LOXHD1: variants seen among roughly 807,000 people sequenced by gnomAD.
LOXHD1 encodes the protein lipoxygenase homology PLAT domains 1.
LOXHD1 carries 205 observed loss-of-function variants against 248.2 expected under a neutral mutation model. That is an observed-to-expected ratio of 0.83 (90% CI 0.74 to 0.93). The LOEUF (loss-of-function observed/expected upper bound fraction) is 0.93. LOXHD1 is among the 40% of genes least tolerant of loss of function. The pLI is 0.00. For synonymous variants in LOXHD1, 1,113 were observed against 1,162.8 expected, an observed-to-expected ratio of 0.96 and a Z score of 0.87; for missense variants, 2,930 against 2,971.6, an observed-to-expected ratio of 0.99 and a Z score of 0.33.
chr18:46,500,507 A>G (rs1013947145), intron 37 of LOXHD1, among the ~76,000 whole-genome samples: 17 of 152,154 alleles, frequency 1.1e-4, no homozygotes, highest in African/African-American at 2.7e-4. Flanking sequence ...TCGTGCTGCA[A>G]GACATTCTCC....
chr18:46,491,704 C>T lies in LOXHD1; in HGVS notation c.5879-2562G>A, dbSNP rs146936744. Among the ~76,000 whole-genome samples the T allele has an allele frequency of 2.3e-3, 343 of 152,324 alleles. 1 individual carries two copies. The highest frequency in any genetic ancestry group is 8.0e-3 in the African/African-American group (331 of 41,560). ...TCTACCCTACACAGTTTTCACTACA[C>T]AATTACACTTTCCGGGCTCCAGCCA... On this transcript the variant is annotated intron_variant, in intron 37 of 40. Transcript: ENST00000642948.
rs183848033 is a variant in LOXHD1 at position 46,563,109 on chromosome 18, T to C, written c.2554A>G (p.Ser852Gly). Residue 852 changes from serine to glycine, a missense_variant, in exon 18 of 41, where the codon AGC becomes GGC. Physicochemically the swap from Ser to Gly is moderately conservative, Grantham distance 56. Coordinates refer to ENST00000642948, the MANE Select transcript of LOXHD1 (RefSeq NM_001384474.1). ...GCCCGTTCAAAAACTTTTGAGCGGC[T>C]GGAGAGGAAGAGCACTTCTGTCTTG... Reference protein sequence around the residue: ...KGKTEVLFLSSRSKVFERASK... With the variant: ...KGKTEVLFLSGRSKVFERASK... The C allele has an allele frequency of 1.8e-5, 28 of 1,546,496 alleles. No homozygotes were observed. The East Asian group carries it at 6.4e-4, about 35-fold the overall frequency.
At chr18:46,524,626 G>GT (rs2035738165) in intron 30 of LOXHD1, 25 bp from the exon 31 acceptor site, 1 of 1,551,452 alleles carries the variant, frequency 6.4e-7, no homozygotes, top group Non-Finnish European at 8.7e-7. Flanking sequence ...AGGACTGGCA[G>GT]TTGCAGCTCC....
Position 46,618,301 on chromosome 18 carries a change from G to A in LOXHD1, c.512-11C>T. The A allele has an allele frequency of 5.8e-6, 9 of 1,538,986 alleles. No homozygotes were observed. The highest frequency in any genetic ancestry group is 7.9e-6 in the Non-Finnish European group (9 of 1,136,150). On this transcript the variant is annotated splice_polypyrimidine_tract_variant and intron_variant, in intron 4 of 40. Coordinates refer to ENST00000642948, the MANE Select transcript of LOXHD1 (RefSeq NM_001384474.1). ...CTTCATACTTATTACCTAGGAACAA[G>A]GAGAGAGAAAAACCTTAGCTCATCA...
At chr18:46,488,194 G>A (rs1259785892) in intron 38 of LOXHD1, among the ~76,000 whole-genome samples, 1 of 152,164 alleles carries the variant, frequency 6.6e-6, no homozygotes, top group African/African-American at 2.4e-5. Context: ...CAGAGAGGAA[G>A]ACATTGGCCC....
intron 10 of LOXHD1, 145 bp from the exon 11 acceptor site, chr18:46,592,729 C>G: frequency 1.5e-6 from 1 of 673,156 alleles, no homozygotes; most frequent in Non-Finnish European, 2.6e-6. Context: ...GCCACCCTCA[C>G]ATATTTTATC....
At chr18:46,555,181 G>A (rs1332635473) in intron 21 of LOXHD1, 1 of 470,996 alleles carries the variant, frequency 2.1e-6, no homozygotes, top group East Asian at 6.9e-5. Flanking sequence ...CCAGCCTCAT[G>A]GTTCTGTGGC....
intron 6 of LOXHD1, among the ~76,000 whole-genome samples, chr18:46,604,818 A>C (rs1343080936): frequency 6.6e-6 from 1 of 152,178 alleles, no homozygotes; most frequent in Non-Finnish European, 1.5e-5. Flanking sequence ...AATACACCAA[A>C]GAGCTGAGGG....
rs948768782 is a variant in LOXHD1, at chr18:46,538,309, G to A, written c.3942C>T (p.Thr1314=). 1.4e-5 allele frequency: 21 copies of A among 1,550,546 alleles called. No homozygotes were observed. The highest frequency in any genetic ancestry group is 3.9e-5 in the Admixed American group (2 of 50,970). The part of the protein sequence containing the change: ...PFVPYEITLY[T]SDVFAAGTDA... ...CTGTCCCAGCAGCAAAGACATCACTGGTGTAGAGGGTGATCTCGTAAGGAA... is the reference window on the plus strand; with the variant it reads ...CTGTCCCAGCAGCAAAGACATCACTAGTGTAGAGGGTGATCTCGTAAGGAA... The change falls in exon 26 of 41, where the codon ACC becomes ACT. Residue 1314 remains threonine, a synonymous_variant. Coordinates refer to ENST00000642948, the MANE Select transcript of LOXHD1 (RefSeq NM_001384474.1).
intron 4 of LOXHD1, among the ~76,000 whole-genome samples, chr18:46,633,727 A>AT (rs2038857008): frequency 6.6e-6 from 1 of 152,248 alleles, no homozygotes; most frequent in Non-Finnish European, 1.5e-5. Context: ...ATATCTGAAA[A>AT]GGGGTTAATA....
At chr18:46,579,031 T>C (rs998711185) in intron 13 of LOXHD1, among the ~76,000 whole-genome samples, 2 of 152,372 alleles carry the variant, frequency 1.3e-5, no homozygotes, top group Non-Finnish European at 2.9e-5. Context: ...ACAACTGTAA[T>C]GAGGCTAGCA....
chr18:46,608,547 G>C (rs1299371604), intron 6 of LOXHD1, among the ~76,000 whole-genome samples: 1 of 152,182 alleles, frequency 6.6e-6, no homozygotes, highest in Non-Finnish European at 1.5e-5. Context: ...CCTGTTCTGT[G>C]CCCTGCCCTG....
chr18:46,560,158 G>T lies in LOXHD1; in HGVS notation c.2986C>A (p.Arg996Ser). ...VIEQHKFEAH[R>S]WLARGKEDNE... ...TCCTCCTTGCCCCGGGCCAGCCAGCGGTGGGCTTCGAACTTGTGCTGCTCA... is the reference window on the plus strand; with the variant it reads ...TCCTCCTTGCCCCGGGCCAGCCAGCTGTGGGCTTCGAACTTGTGCTGCTCA... The change falls in exon 19 of 41, where the codon CGC becomes AGC. Residue 996 changes from arginine (R) to serine (S), a missense_variant. Arg to Ser is a moderately radical substitution (Grantham distance 110). Transcript: ENST00000642948. 6.6e-7 allele frequency: 1 copy of T among 1,520,006 alleles called. No homozygotes were observed. The highest frequency in any genetic ancestry group is 8.9e-7 in the Non-Finnish European group (1 of 1,126,984). The allele number at this position is 1,520,006 out of a possible 1,614,324, so 94.2% of individuals were successfully genotyped here.
chr18:46,542,433 T>G (rs1298827625), intron 24 of LOXHD1, among the ~76,000 whole-genome samples: 3 of 152,196 alleles, frequency 2.0e-5, no homozygotes, highest in Admixed American at 2.0e-4. Flanking sequence ...AAAGAACTAC[T>G]GAGTTAGATC....
In LOXHD1 at chr18:46,524,726, C is replaced by G; in HGVS notation, c.4722G>C (p.Glu1574Asp). 6.4e-7 allele frequency: 1 copy of G among 1,551,758 alleles called. No homozygotes were observed. Among genetic ancestry groups the G allele is most frequent in the Non-Finnish European group, 8.7e-7 (1 of 1,147,018 alleles). Residue 1574 changes from glutamate (E) to aspartate (D), a missense_variant, in exon 30 of 41, where the codon GAG becomes GAC. By Grantham distance (45) the Glu-to-Asp change is conservative (BLOSUM62 2). Coordinates refer to ENST00000642948, the MANE Select transcript of LOXHD1 (RefSeq NM_001384474.1). ...GGCTCACCTTCTCGTAAAAGAGCCTCTCGAGTCGCCCATCCTCCTTCTTCA... is the reference window on the plus strand; with the variant it reads ...GGCTCACCTTCTCGTAAAAGAGCCTGTCGAGTCGCCCATCCTCCTTCTTCA... Reference protein sequence around the residue: ...LSLKKEDGRLERLFYEKEYTG... With the variant: ...LSLKKEDGRLDRLFYEKEYTG...
intron 36 of LOXHD1, among the ~76,000 whole-genome samples, 197 bp from the exon 37 acceptor site, chr18:46,506,220 T>C (rs560124359): frequency 6.6e-6 from 1 of 152,308 alleles, no homozygotes; most frequent in Admixed American, 6.5e-5. Context: ...ATCTTATCTT[T>C]GTGCCTTACA....
chr18:46,542,616 T>G, intron 24 of LOXHD1, 111 bp downstream of exon 24: 1 of 1,320,040 alleles, frequency 7.6e-7, no homozygotes, highest in Non-Finnish European at 1.0e-6. Flanking sequence ...AGCTGTGTCA[T>G]TACAGAAGAC....
rs1359704843 is a variant in LOXHD1, at chr18:46,544,195, G to A, written c.3619+1122C>T. Among the ~76,000 whole-genome samples, 4 of 152,166 alleles carry A rather than the reference G, an allele frequency of 2.6e-5. 1 individual carries two copies. In the East Asian group the frequency reaches 7.7e-4, roughly 29 times the overall value. ...TATACAGAGAGATAGACAGACCTTGGTCCAGTGCCTAGCTCTGCCACTTAC... is the reference window on the plus strand; with the variant it reads ...TATACAGAGAGATAGACAGACCTTGATCCAGTGCCTAGCTCTGCCACTTAC... On this transcript the variant is annotated intron_variant, in intron 23 of 40. Coordinates refer to ENST00000642948, the MANE Select transcript of LOXHD1 (RefSeq NM_001384474.1).
intron 5 of LOXHD1, among the ~76,000 whole-genome samples, chr18:46,617,331 T>C (rs1235177508): frequency 6.6e-6 from 1 of 152,198 alleles, no homozygotes; most frequent in Admixed American, 6.5e-5. Context: ...TCAGGGCTTC[T>C]GGCTTTATAT....
Sources: allele counts gnomAD v4.1 joint callset (sites outside exome capture counted in the v4.1 genomes callset), GRCh38; gene constraint gnomAD v4.1.1; transcripts MANE v1.5; gene names NCBI Gene and HGNC (gene_info 2026-07-23, HGNC 2026-07-21).